The following MYH10 variants were observed in gnomAD, a reference collection of about 807,000 sequenced individuals.
MYH10 encodes the protein myosin-10.
Under a neutral mutation model 257.8 loss-of-function variants are expected in MYH10, and 55 were observed. The ratio of observed to expected loss-of-function variants is 0.21; its 90% CI spans 0.17 to 0.27. The LOEUF is 0.27. MYH10 is among the 10% of genes least tolerant of loss of function. The pLI, the probability that MYH10 is intolerant of heterozygous loss-of-function variation, is 1.00. For synonymous variants in MYH10, 854 were observed against 921.7 expected (o/e 0.93, Z 1.33); for missense variants, 1,631 against 2,500.6 (o/e 0.65, Z 7.42).
chr17:8,483,454 C>T (rs1376777739), intron 37 of MYH10, among the ~76,000 whole-genome samples: 1 of 152,178 alleles, frequency 6.6e-6, no homozygotes, highest in Non-Finnish European at 1.5e-5. Context: ...GAGAGCCGTC[C>T]TCCTTTCTTG....
chr17:8,535,360 T>C lies in MYH10; in HGVS notation c.1894+27A>G, dbSNP rs745753706. ...AATTATAAAAGATTCCAGCCAAGCATGATTACAAAGATAAGCACTTTCTTA... is the reference window on the plus strand; with the variant it reads ...AATTATAAAAGATTCCAGCCAAGCACGATTACAAAGATAAGCACTTTCTTA... On this transcript the variant is annotated intron_variant, in intron 16 of 42. Coordinates refer to ENST00000360416, the MANE Select transcript of MYH10 (RefSeq NM_001256012.3). The surrounding 1 kb of genome is among the most constrained non-coding windows in gnomAD (Gnocchi z 4.3). 1.9e-6 allele frequency: 3 copies of C among 1,541,872 alleles called. No individual in the cohort carries two copies. In the East Asian group the frequency reaches 6.8e-5, roughly 35 times the overall value.
intron 7 of MYH10, among the ~76,000 whole-genome samples, chr17:8,555,767 C>T (rs1432691838): frequency 6.6e-6 from 1 of 152,008 alleles, no homozygotes; most frequent in Non-Finnish European, 1.5e-5. Context: ...AAGCATGAAC[C>T]ATAAAATTAA....
intron 3 of MYH10, among the ~76,000 whole-genome samples, chr17:8,592,967 A>ATATATATATATATATATG (rs1567953227): frequency 7.9e-6 from 1 of 127,262 alleles, no homozygotes; most frequent in Non-Finnish European, 1.7e-5. Context: ...ATATATATAT[A>ATATATATATATATATATG]TATAAAAGAT....
chr17:8,498,464 G>C (rs1376489461), intron 30 of MYH10, among the ~76,000 whole-genome samples: 1 of 152,098 alleles, frequency 6.6e-6, no homozygotes, highest in Non-Finnish European at 1.5e-5. Flanking sequence ...TAATTCCCTA[G>C]GATAAATGAC....
chr17:8,533,003 C>T (rs2082046231), intron 16 of MYH10, among the ~76,000 whole-genome samples: 1 of 152,156 alleles, frequency 6.6e-6, no homozygotes, highest in Non-Finnish European at 1.5e-5. Context: ...AGTCCCAATA[C>T]CTGTTTTCCT....
chr17:8,564,467 CT>C (rs1276369186), intron 7 of MYH10, among the ~76,000 whole-genome samples: 1 of 152,210 alleles, frequency 6.6e-6, no homozygotes, highest in Non-Finnish European at 1.5e-5. Flanking sequence ...GTTCTCTACC[CT>C]TGCTTCTAAA....
intron 3 of MYH10, among the ~76,000 whole-genome samples, chr17:8,595,812 C>T (rs1231607596): frequency 6.6e-6 from 1 of 152,104 alleles, no homozygotes; most frequent in Non-Finnish European, 1.5e-5. Context: ...GGGATAGTTC[C>T]TACTGTCTAT....
intron 7 of MYH10, chr17:8,560,680 C>T (rs1018286207): frequency 4.2e-6 from 3 of 718,120 alleles, no homozygotes; most frequent in Non-Finnish European, 7.2e-6. Context: ...GCTGACTTCA[C>T]ACACCATAAT....
At chr17:8,509,975 C>T (rs748860457) in intron 24 of MYH10, 26 bp from the exon 25 acceptor site, 25 of 1,570,570 alleles carry the variant, frequency 1.6e-5, no homozygotes, top group African/African-American at 4.2e-5. Flanking sequence ...CAGTCAGTCT[C>T]GCCACTTTCT....
intron 7 of MYH10, among the ~76,000 whole-genome samples, chr17:8,565,929 T>C (rs1208385815): frequency 1.3e-5 from 2 of 152,174 alleles, no homozygotes; most frequent in African/African-American, 4.8e-5. Flanking sequence ...TTTCAGAAAA[T>C]AATTACCTTA....
At chr17:8,531,735 C>T (rs8079451) in intron 16 of MYH10, among the ~76,000 whole-genome samples, 146,782 of 152,222 alleles carry the variant, frequency 0.96, 71,004 homozygotes, top group East Asian at 1. Context: ...GTAGGTGTTG[C>T]ACCTTCACAG....
At chr17:8,513,471 T>C (rs998198448) in intron 23 of MYH10, 67 bp downstream of exon 23, 1 of 1,581,648 alleles carries the variant, frequency 6.3e-7, no homozygotes, top group Non-Finnish European at 8.6e-7. Flanking sequence ...TGTGTCGGGG[T>C]TGCTACCAGT....
intron 3 of MYH10, among the ~76,000 whole-genome samples, chr17:8,597,779 T>TA (rs1260959573): frequency 1.5e-4 from 2 of 13,648 alleles, no homozygotes; most frequent in South Asian, 0.011. Context: ...CAGGCCCGGC[T>TA]AATTTTTTTT....
At chr17:8,500,689 A>G (rs1917387520) in intron 29 of MYH10, 137 bp downstream of exon 29, 1 of 1,046,682 alleles carries the variant, frequency 9.6e-7, no homozygotes, top group South Asian at 1.8e-5. Context: ...GCAACTGGGT[A>G]CCCAGCAGCC....
rs116053492 is a variant in MYH10, at chr17:8,528,365, C to A, written c.1957+2258G>T. Among the ~76,000 whole-genome samples, 318 of 152,258 alleles carry A rather than the reference C, an allele frequency of 2.1e-3. 3 individuals are homozygous for A. Among genetic ancestry groups the A allele is most frequent in the African/African-American group, 7.5e-3 (310 of 41,550 alleles). Reference sequence around the variant, plus strand: ...TTTTGCTGGTTCACTCTGCTTGCATCTTCCACTACTGGTTTATCTCTGAGG... The same window carrying A: ...TTTTGCTGGTTCACTCTGCTTGCATATTCCACTACTGGTTTATCTCTGAGG... On this transcript the variant is annotated intron_variant, in intron 17 of 42. Transcript: ENST00000360416.
intron 35 of MYH10, among the ~76,000 whole-genome samples, chr17:8,488,924 C>T (rs1410385397): frequency 6.6e-6 from 1 of 152,156 alleles, no homozygotes; most frequent in Non-Finnish European, 1.5e-5. Context: ...TTCTTTAATA[C>T]TCCCCACCTT....
In MYH10 at chr17:8,480,425, G is replaced by A. The variant is rs781033424; in HGVS notation, c.5365C>T (p.Arg1789Cys). Reference protein sequence around the residue: ...EQSNMELLNDRFRKTTLQVDT... With the variant: ...EQSNMELLNDCFRKTTLQVDT... ...ACCTGTAGAGTGGTCTTGCGGAAGC[G>A]GTCGTTGAGCAGCTCCATGTTGCTC... The change falls in exon 39 of 43, where the codon CGC (arginine) becomes TGC (cysteine). Residue 1789 changes from arginine (R) to cysteine (C), a missense_variant. Arg to Cys is a radical substitution (Grantham distance 180). This residue lies in a region of MYH10 where 343 missense variants were observed against 389.5 expected (regional missense o/e 0.88). Transcript: ENST00000360416. The A allele has an allele frequency of 6.8e-6, 11 of 1,613,172 alleles. No homozygotes were observed. Among genetic ancestry groups the A allele is most frequent in the Non-Finnish European group, 4.2e-6 (5 of 1,180,014 alleles).
At chr17:8,629,574 AG>A (rs2085822042) in intron 1 of MYH10, among the ~76,000 whole-genome samples, 1 of 152,066 alleles carries the variant, frequency 6.6e-6, no homozygotes, top group Admixed American at 6.6e-5. Flanking sequence ...AGGCCCACAA[AG>A]CCCCCACAAA....
At chr17:8,512,256 A>C (rs1289770735) in intron 24 of MYH10, among the ~76,000 whole-genome samples, 195 bp downstream of exon 24, 1 of 152,214 alleles carries the variant, frequency 6.6e-6, no homozygotes, top group Non-Finnish European at 1.5e-5. Context: ...ATACAAAATG[A>C]CAAATCTTTG....
Sources: gnomAD v4.1 joint callset for allele counts (sites outside exome capture counted in the v4.1 genomes callset) on GRCh38, gnomAD v4.1.1 for gene constraint, gnomAD v4.1.1 regional missense constraint, Gnocchi (gnomAD v3.1) non-coding constraint, MANE v1.5 for transcripts, NCBI Gene and HGNC (gene_info 2026-07-23, HGNC 2026-07-21) for gene names.